The following GLB1 variants were observed in gnomAD, a reference collection of about 807,000 sequenced individuals.
GLB1 encodes the protein galactosidase beta 1.
A neutral mutation model predicts 74.0 loss-of-function variants in GLB1; 56 were observed. That is an observed-to-expected ratio of 0.76 (90% CI 0.61 to 0.94). The LOEUF is 0.94. Ranked by LOEUF, GLB1 falls within the 40% of genes least tolerant of loss-of-function variation. GLB1 has a pLI of 0.00. For missense variants in GLB1, 787 were observed against 845.5 expected (o/e 0.93, Z 0.86); for synonymous variants, 323 against 323.6 (o/e 1.00, Z 0.02).
intron 4 of GLB1, among the ~76,000 whole-genome samples, chr3:33,066,184 G>C (rs550852913): frequency 1.4e-4 from 21 of 152,274 alleles, no homozygotes; most frequent in Admixed American, 3.9e-4. Flanking sequence ...GCTATGGTTG[G>C]AATGTTTGTC....
intron 10 of GLB1, among the ~76,000 whole-genome samples, chr3:33,035,781 T>A (rs1698249211): frequency 6.6e-6 from 1 of 152,242 alleles, no homozygotes; most frequent in Non-Finnish European, 1.5e-5. Context: ...GAATTTGTAA[T>A]GATTTCTTGA....
rs778790025 is a variant in GLB1, at chr3:33,093,920, A to C, written c.75+3091T>G. 6.2e-6 allele frequency: 10 copies of C among 1,613,996 alleles called. No individual in the cohort carries two copies. In the African/African-American group the frequency reaches 1.2e-4, roughly 19 times the overall value. ...AGAAACTGGAATGGGCCAGGGCCAG[A>C]AATGCCAGAACCACCACCTTCCAAA... On this transcript the variant is annotated intron_variant, in intron 1 of 15. Coordinates refer to ENST00000307363, the MANE Select transcript of GLB1 (RefSeq NM_000404.4). This position sits in a 1 kb window ranked among gnomAD's most constrained non-coding sequence, Gnocchi z 6.0.
chr3:32,997,083 G>A lies in GLB1; in HGVS notation c.1996C>T (p.Pro666Ser). The A allele has an allele frequency of 1.9e-6, 3 of 1,614,138 alleles. No individual in the cohort carries two copies. The highest frequency in any genetic ancestry group is 2.5e-6 in the Non-Finnish European group (3 of 1,180,006). ...AGCCATGAATCTTTGTTTTTTTGCG[G>A]GGGTGGGGGCATGAGTCTTTTTTCA... is the stretch of plus-strand genomic sequence containing the variant. ...PVEKRLMPPP[P>S]QKNKDSWLDH... Residue 666 changes from proline to serine, a missense_variant, in exon 16 of 16, where the codon CCG becomes TCG. By Grantham distance (74) the Pro-to-Ser change is moderately conservative (BLOSUM62 -1). Transcript: ENST00000307363.
chr3:33,052,004 T>C lies in GLB1; in HGVS notation c.793A>G (p.Ile265Val). The C allele has an allele frequency of 6.2e-7, 1 of 1,614,010 alleles. No individual in the cohort carries two copies. Among genetic ancestry groups the C allele is most frequent in the Non-Finnish European group, 8.5e-7 (1 of 1,180,018 alleles). Residue 265 changes from isoleucine to valine, a missense_variant and splice_region_variant, in exon 8 of 16, where the codon ATC becomes GTC. Ile to Val is a conservative substitution (Grantham distance 29, BLOSUM62 3). Coordinates refer to ENST00000307363, the MANE Select transcript of GLB1 (RefSeq NM_000404.4). Reference protein sequence around the residue: ...QRKCEPKGPLINSEFYTGWLD... With the variant: ...QRKCEPKGPLVNSEFYTGWLD... Reference sequence around the variant, plus strand: ...CAGCCAGTATAGAATTCAGAATTGATCTAAAACAAAAAAAGAACGTAGCCC... The same window carrying C: ...CAGCCAGTATAGAATTCAGAATTGACCTAAAACAAAAAAAGAACGTAGCCC...
chr3:32,963,803 CTTCT>C, the GLB1 span, among the ~76,000 whole-genome samples: 1 of 152,160 alleles, frequency 6.6e-6, no homozygotes, highest in Non-Finnish European at 1.5e-5. Flanking sequence ...ATGTTCTAGG[CTTCT>C]TTATTTCTTT....
chr3:33,086,094 A>G (rs575075668), intron 1 of GLB1, among the ~76,000 whole-genome samples: 4 of 152,168 alleles, frequency 2.6e-5, no homozygotes, highest in Non-Finnish European at 5.9e-5. Flanking sequence ...GTAAAAAATG[A>G]AAAATGAAAA....
intron 5 of GLB1, among the ~76,000 whole-genome samples, chr3:33,063,440 G>A (rs1420127953): frequency 1.3e-5 from 2 of 152,106 alleles, no homozygotes; most frequent in African/African-American, 4.8e-5. Flanking sequence ...AGAGGAGGAG[G>A]AGGAGGGGGA....
At chr3:32,984,767 C>T in the GLB1 span, among the ~76,000 whole-genome samples, 1 of 151,840 alleles carries the variant, frequency 6.6e-6, no homozygotes, top group South Asian at 2.1e-4. Context: ...CACAGTGAAA[C>T]CCCGTCTCTA....
intron 1 of GLB1, chr3:33,092,917 G>A (rs1450423014): frequency 3.1e-6 from 5 of 1,614,058 alleles, no homozygotes; most frequent in East Asian, 2.2e-5. Context: ...GCTGTGCCTG[G>A]GCTGACATAC....
chr3:32,987,573 GTC>G, the GLB1 span, among the ~76,000 whole-genome samples: 1 of 152,114 alleles, frequency 6.6e-6, no homozygotes, highest in African/African-American at 2.4e-5. Flanking sequence ...ACTCTGTACT[GTC>G]TCTCACTATG....
At chr3:32,994,614 T>C (rs1025396344), downstream of GLB1, among the ~76,000 whole-genome samples, 2 of 152,002 alleles carry the variant, frequency 1.3e-5, no homozygotes, top group Non-Finnish European at 2.9e-5. Flanking sequence ...GGTGGCACTA[T>C]CTATGTATTA....
chr3:32,984,062 C>T, the GLB1 span, among the ~76,000 whole-genome samples: 1 of 152,112 alleles, frequency 6.6e-6, no homozygotes, highest in Non-Finnish European at 1.5e-5. Context: ...TTTGAGTTTG[C>T]TTCTGTCAGA....
rs764183146 is a variant in GLB1 at position 33,093,421 on chromosome 3, C to A, written c.75+3590G>T. The A allele has an allele frequency of 6.2e-7, 1 of 1,614,158 alleles. No homozygotes were observed. Among genetic ancestry groups the A allele is most frequent in the Admixed American group, 1.7e-5 (1 of 60,024 alleles). ...GAATGAAGCTGGCCCAGAGGAGCGACAGCCGTCCGCAGGACCGAGGCTTCT... is the reference window on the plus strand; with the variant it reads ...GAATGAAGCTGGCCCAGAGGAGCGAAAGCCGTCCGCAGGACCGAGGCTTCT... On this transcript the variant is annotated intron_variant, in intron 1 of 15. Coordinates refer to ENST00000307363, the MANE Select transcript of GLB1 (RefSeq NM_000404.4). The surrounding 1 kb of genome is among the most constrained non-coding windows in gnomAD (Gnocchi z 6.0).
chr3:33,088,111 A>G lies in GLB1; in HGVS notation c.75+8900T>C, dbSNP rs140806900. Among the ~76,000 whole-genome samples the G allele has an allele frequency of 3.3e-5, 5 of 152,194 alleles. No individual in the cohort carries two copies. The East Asian group carries it at 5.8e-4, about 18-fold the overall frequency. On this transcript the variant is annotated intron_variant, in intron 1 of 15. Coordinates refer to ENST00000307363, the MANE Select transcript of GLB1 (RefSeq NM_000404.4). The stretch of plus-strand genomic sequence containing the variant: ...AACAAATGCAAAATAGAAGAAAACT[A>G]CCTCCACATCATAAAGCCCACATGT...
intron 1 of GLB1, among the ~76,000 whole-genome samples, chr3:33,083,034 C>T (rs1165459002): frequency 6.6e-6 from 1 of 152,018 alleles, no homozygotes; most frequent in Non-Finnish European, 1.5e-5. Context: ...AGTTACGGAC[C>T]TAAAAAAAAG....
At chr3:33,042,182 C>T (rs897202198) in intron 10 of GLB1, among the ~76,000 whole-genome samples, 5 of 152,066 alleles carry the variant, frequency 3.3e-5, no homozygotes, top group South Asian at 2.1e-4. Context: ...CTACCCTTGC[C>T]GCACCTCCCA....
downstream of GLB1, among the ~76,000 whole-genome samples, chr3:32,994,838 T>C (rs1477109371): frequency 6.6e-6 from 1 of 151,384 alleles, no homozygotes; most frequent in Non-Finnish European, 1.5e-5. Context: ...GGAGAATCGC[T>C]TGAACCCAGG....
At chr3:33,022,816 T>G (rs1005279266) in intron 11 of GLB1, among the ~76,000 whole-genome samples, 9 of 151,966 alleles carry the variant, frequency 5.9e-5, no homozygotes, top group Non-Finnish European at 1.3e-4. Context: ...CGCCTCGGCC[T>G]CCCAAAGTAC....
chr3:33,019,643 A>G (rs964870716), intron 12 of GLB1, among the ~76,000 whole-genome samples: 2 of 152,152 alleles, frequency 1.3e-5, no homozygotes, highest in Middle Eastern at 3.2e-3. Flanking sequence ...CTAGCGCAAG[A>G]ACACCTCCCG....
Sources: gnomAD v4.1 joint callset for allele counts (sites outside exome capture counted in the v4.1 genomes callset) on GRCh38, gnomAD v4.1.1 for gene constraint, Gnocchi (gnomAD v3.1) non-coding constraint, MANE v1.5 for transcripts, NCBI Gene and HGNC (gene_info 2026-07-23, HGNC 2026-07-21) for gene names.